Variants in ABAT observed in about 807,000 individuals in gnomAD.
ABAT encodes 4-aminobutyrate aminotransferase, mitochondrial.
A neutral mutation model predicts 64.6 loss-of-function variants in ABAT; 45 were observed. That is an observed-to-expected ratio of 0.70 (90% CI 0.55 to 0.89). The LOEUF (loss-of-function observed/expected upper bound fraction) is 0.89. ABAT is among the 40% of genes least tolerant of loss of function. The pLI is 0.00. For synonymous variants in ABAT, 297 were observed against 250.5 expected (o/e 1.19, Z -1.75); for missense variants, 633 against 658.4 (o/e 0.96, Z 0.42).
intron 6 of ABAT, among the ~76,000 whole-genome samples, chr16:8,758,217 A>G (rs754427637): frequency 1.3e-5 from 2 of 152,172 alleles, no homozygotes; most frequent in Non-Finnish European, 2.9e-5. Context: ...AGATGCAGAA[A>G]CTGAGGCACA....
Position 8,774,882 on chromosome 16 carries a change from C to G in ABAT, c.955-8C>G, listed in dbSNP as rs2060220749. On this transcript the variant is annotated splice_region_variant and splice_polypyrimidine_tract_variant and intron_variant, in intron 12 of 15. Coordinates refer to ENST00000268251, the MANE Select transcript of ABAT (RefSeq NM_020686.6). Reference sequence around the variant, plus strand: ...TTTATTTCTCCCTCCTCTCTCTTCTCCGGCCAGCATGGCTGCGCCTTCTTG... The same window carrying G: ...TTTATTTCTCCCTCCTCTCTCTTCTGCGGCCAGCATGGCTGCGCCTTCTTG... 6.2e-7 allele frequency: 1 copy of G among 1,613,648 alleles called. No individual in the cohort carries two copies. The highest frequency in any genetic ancestry group is 1.3e-5 in the African/African-American group (1 of 74,920).
In ABAT at chr16:8,768,822, C is replaced by T. The variant is rs375716049; in HGVS notation, c.668-3C>T. 4.1e-5 allele frequency: 66 copies of T among 1,614,062 alleles called. No homozygotes were observed. Among genetic ancestry groups the T allele is most frequent in the Non-Finnish European group, 5.1e-5 (60 of 1,180,036 alleles). On this transcript the variant is annotated splice_region_variant and splice_polypyrimidine_tract_variant and intron_variant, in intron 10 of 15. Transcript: ENST00000268251. ...GTCTGCTTTTCTGTTTTGCTGAACTCAGGTTGCTTAGCGACCACGCACTCT... is the reference window on the plus strand; with the variant it reads ...GTCTGCTTTTCTGTTTTGCTGAACTTAGGTTGCTTAGCGACCACGCACTCT...
intron 1 of ABAT, among the ~76,000 whole-genome samples, chr16:8,694,436 C>T (rs2057657065): frequency 6.6e-6 from 1 of 152,148 alleles, no homozygotes. Context: ...GTCACCCAGA[C>T]TGGAGTGCAG....
At chr16:8,677,116 G>C (rs956938482) in intron 1 of ABAT, among the ~76,000 whole-genome samples, 3 of 152,206 alleles carry the variant, frequency 2.0e-5, no homozygotes, top group African/African-American at 4.8e-5. Context: ...GCACAAATCT[G>C]CCACTTAGTG....
At chr16:8,684,096 GAGTGAATACAGGTTCA>G (rs1279673084) in intron 1 of ABAT, among the ~76,000 whole-genome samples, 2 of 152,144 alleles carry the variant, frequency 1.3e-5, no homozygotes, top group Admixed American at 1.3e-4. Flanking sequence ...AGGTGTGTGG[GAGTGAATACAGGTTCA>G]AGCTCAAAGT....
In ABAT at chr16:8,738,616, G is replaced by GTTTTTTTTTTTTTTTTTTT. The variant is rs772511380; in HGVS notation, c.70+2812_70+2813insTTTTTTTTTTTTTTTTTTT. On this transcript the variant is annotated intron_variant, in intron 2 of 15. Transcript: ENST00000268251. ...TTTTTTCTTTTTTGTTTTTGTTTTT[G>GTTTTTTTTTTTTTTTTTTT]TTTTTGTTTTTGTTTTTTTTTTGGT... Among the ~76,000 whole-genome samples, 13 of 117,632 alleles carry GTTTTTTTTTTTTTTTTTTT rather than the reference G, an allele frequency of 1.1e-4. 1 individual carries two copies. The highest frequency in any genetic ancestry group is 1.7e-4 in the Non-Finnish European group (10 of 58,068). The allele number at this position is 117,632 out of a possible 152,430, so 77.2% of individuals were successfully genotyped here.
intron 4 of ABAT, 30 bp from the exon 5 acceptor site, chr16:8,750,392 G>A: frequency 1.3e-6 from 2 of 1,576,956 alleles, no homozygotes; most frequent in Non-Finnish European, 1.7e-6. Flanking sequence ...GAGTGGCAGT[G>A]AGCCTGAGTT....
chr16:8,777,838 C>T (rs2060311700), intron 14 of ABAT, among the ~76,000 whole-genome samples: 1 of 152,188 alleles, frequency 6.6e-6, no homozygotes, highest in African/African-American at 2.4e-5. Context: ...CACTGCCAGG[C>T]ACAGGGGCTC....
intron 6 of ABAT, among the ~76,000 whole-genome samples, chr16:8,762,396 C>G (rs1001900155): frequency 4.6e-5 from 7 of 152,186 alleles, no homozygotes; most frequent in Non-Finnish European, 4.4e-5. Flanking sequence ...ATCTCACTGG[C>G]TTCTTACAAG....
intron 2 of ABAT, chr16:8,738,568 G>A (rs894855708): frequency 1.0e-5 from 4 of 383,120 alleles, no homozygotes; most frequent in Non-Finnish European, 2.0e-5. Context: ...AGTTATCAAT[G>A]GCTTTTGAGG....
chr16:8,777,680 G>T (rs1182617647), intron 14 of ABAT, among the ~76,000 whole-genome samples: 1 of 152,184 alleles, frequency 6.6e-6, no homozygotes, highest in Non-Finnish European at 1.5e-5. Context: ...AGAGGGAGGG[G>T]TGTGTTCAAA....
At chr16:8,768,998 T>C (rs753135061) in intron 11 of ABAT, 25 bp downstream of exon 11, 3 of 1,613,408 alleles carry the variant, frequency 1.9e-6, no homozygotes, top group South Asian at 1.1e-5. Context: ...CTGCGGATCC[T>C]CCCCAACCAC....
chr16:8,777,487 T>A (rs751774775), intron 14 of ABAT, among the ~76,000 whole-genome samples: 17 of 152,218 alleles, frequency 1.1e-4, no homozygotes, highest in Non-Finnish European at 2.2e-4. Context: ...TTCTTGTCTT[T>A]AGCAGCCTTC....
At chr16:8,682,208 CACACACACACACACACACAG>C (rs1274648413) in intron 1 of ABAT, among the ~76,000 whole-genome samples, 4 of 137,752 alleles carry the variant, frequency 2.9e-5, no homozygotes, top group Admixed American at 1.4e-4. Flanking sequence ...CACACACACA[CACACACACACACACACACAG>C]AGGAGGCATT....
chr16:8,703,253 C>T (rs976257295), intron 1 of ABAT, among the ~76,000 whole-genome samples: 1 of 151,986 alleles, frequency 6.6e-6, no homozygotes, highest in Non-Finnish European at 1.5e-5. Context: ...TCAAGACCAG[C>T]CTGGAGTTTC....
chr16:8,721,324 T>G (rs766333541), intron 1 of ABAT, among the ~76,000 whole-genome samples: 20 of 152,130 alleles, frequency 1.3e-4, no homozygotes, highest in Non-Finnish European at 2.6e-4. Context: ...TTGAGGATCA[T>G]GAAGTCCTGT....
At chr16:8,677,180 A>G (rs1187535231) in intron 1 of ABAT, among the ~76,000 whole-genome samples, 1 of 152,252 alleles carries the variant, frequency 6.6e-6, no homozygotes, top group Non-Finnish European at 1.5e-5. Context: ...GTTAATCCTC[A>G]TAAAATGTTT....
At chr16:8,734,939 G>C (rs1022276295) in intron 1 of ABAT, among the ~76,000 whole-genome samples, 1 of 151,894 alleles carries the variant, frequency 6.6e-6, no homozygotes, top group Non-Finnish European at 1.5e-5. Flanking sequence ...TGGACACAGT[G>C]GTTCATACCT....
chr16:8,743,444 T>TACAC lies in ABAT; in HGVS notation c.71-2553_71-2550dup, dbSNP rs1555489336. ...ACAGTTATATATATATATATATATATACACACATTTTATAATATATTATAT... is the reference window on the plus strand; with the variant it reads ...ACAGTTATATATATATATATATATATACACACACACATTTTATAATATATTATAT... On this transcript the variant is annotated intron_variant, in intron 2 of 15. Transcript: ENST00000268251. Among the ~76,000 whole-genome samples, 17 of 117,702 alleles carry TACAC rather than the reference T, an allele frequency of 1.4e-4. 2 individuals carry two copies. The highest frequency in any genetic ancestry group is 4.6e-4 in the East Asian group (2 of 4,366). 77.2% of individuals were successfully genotyped at this position (117,702 alleles called of 152,430 possible). A position where few individuals can be genotyped will look rare whatever the true frequency, so the allele number is the denominator to read the frequency against.
Sources: allele counts gnomAD v4.1 joint callset (sites outside exome capture counted in the v4.1 genomes callset), GRCh38; gene constraint gnomAD v4.1.1; transcripts MANE v1.5; gene names NCBI Gene and HGNC (gene_info 2026-07-23, HGNC 2026-07-21).